Variants in SNX18 observed in about 807,000 individuals in gnomAD.
SNX18 encodes sorting nexin-18.
Under a neutral mutation model 48.7 loss-of-function variants are expected in SNX18, and 35 were observed. That is an observed-to-expected ratio of 0.72 (90% CI 0.55 to 0.95). The LOEUF (loss-of-function observed/expected upper bound fraction) is 0.95. SNX18 is among the 40% of genes least tolerant of loss of function. The pLI is 0.00. For synonymous variants in SNX18, 492 were observed against 384.7 expected, an observed-to-expected ratio of 1.28 and a Z score of -3.26; for missense variants, 824 against 871.0, an observed-to-expected ratio of 0.95 and a Z score of 0.68.
chr5:54,539,367 G>T (rs1420324011), intron 1 of SNX18, among the ~76,000 whole-genome samples: 2 of 152,222 alleles, frequency 1.3e-5, no homozygotes, highest in Non-Finnish European at 2.9e-5. Context: ...TTGTAGTGAA[G>T]ATTAGAAACA....
chr5:54,521,207 G>A (rs1580092991), intron 1 of SNX18, among the ~76,000 whole-genome samples: 1 of 152,244 alleles, frequency 6.6e-6, no homozygotes, highest in East Asian at 1.9e-4. Flanking sequence ...TGAAAGGATG[G>A]AACCAAGTAC....
At chr5:54,626,249 T>C in the SNX18 span, among the ~76,000 whole-genome samples, 4 of 152,350 alleles carry the variant, frequency 2.6e-5, no homozygotes, top group East Asian at 3.9e-4. Flanking sequence ...GGAGTGATGA[T>C]AGAAAAATGA....
intron 1 of SNX18, among the ~76,000 whole-genome samples, chr5:54,540,681 T>C (rs558592862): frequency 6.6e-6 from 1 of 152,350 alleles, no homozygotes; most frequent in South Asian, 2.1e-4. Flanking sequence ...TTCTCTATAC[T>C]GGACTCTGTT....
the SNX18 span, among the ~76,000 whole-genome samples, chr5:54,637,064 G>C: frequency 6.6e-6 from 1 of 152,146 alleles, no homozygotes; most frequent in Non-Finnish European, 1.5e-5. Flanking sequence ...TTTGCACATT[G>C]ACAAATGCAA....
the SNX18 span, among the ~76,000 whole-genome samples, chr5:54,595,033 T>C: frequency 6.6e-6 from 1 of 152,248 alleles, no homozygotes; most frequent in South Asian, 2.1e-4. Flanking sequence ...TAGTATTCTG[T>C]GGTGTATATA....
At chr5:54,634,351 GA>G in the SNX18 span, among the ~76,000 whole-genome samples, 1 of 152,220 alleles carries the variant, frequency 6.6e-6, no homozygotes, top group East Asian at 1.9e-4. Context: ...ATACATTCAG[GA>G]AAGAGGGGCA....
chr5:54,552,153 G>A, the SNX18 span, among the ~76,000 whole-genome samples: 6 of 152,182 alleles, frequency 3.9e-5, no homozygotes, highest in South Asian at 2.1e-4. Context: ...CCTCCGCGAC[G>A]TGACCCATTA....
the SNX18 span, chr5:54,645,184 A>T: frequency 0.67 from 102,055 of 152,164 alleles, 34,341 homozygotes; most frequent in East Asian, 0.72. Flanking sequence ...ATATAACCAT[A>T]GGATAAAACA....
At chr5:54,521,774 C>T (rs899659628) in intron 1 of SNX18, among the ~76,000 whole-genome samples, 8 of 152,092 alleles carry the variant, frequency 5.3e-5, no homozygotes, top group African/African-American at 1.9e-4. Context: ...TGCTATGTTG[C>T]CCAGGCTTGT....
the SNX18 span, among the ~76,000 whole-genome samples, chr5:54,558,228 T>C: frequency 6.6e-6 from 1 of 152,336 alleles, no homozygotes; most frequent in African/African-American, 2.4e-5. Context: ...AAATATTTTT[T>C]AAAGTAGAAA....
In SNX18 at chr5:54,519,126, C is replaced by A. The variant is rs1761952936; in HGVS notation, c.1174C>A (p.Gln392Lys). Residue 392 changes from glutamine (Q) to lysine (K), a missense_variant, in exon 1 of 2, where the codon CAG becomes AAG. Around this residue, in one of 3 missense-constraint regions of SNX18, gnomAD observed 443 missense variants for 503.6 expected, o/e 0.88. Transcript: ENST00000381410. ...CAGCACCGACGAGAAAGCCTGGAAG[C>A]AGGGCAAGAGGAAGGCCGAGAAGGA... ...PSSTDEKAWKQGKRKAEKDEM... is the reference protein window; with the variant it reads ...PSSTDEKAWKKGKRKAEKDEM... 6.2e-7 allele frequency: 1 copy of A among 1,613,998 alleles called. No homozygotes were observed. The highest frequency in any genetic ancestry group is 1.1e-5 in the South Asian group (1 of 91,082).
the SNX18 span, among the ~76,000 whole-genome samples, chr5:54,630,860 T>C: frequency 1.4e-5 from 2 of 147,396 alleles, no homozygotes; most frequent in Admixed American, 1.3e-4. Context: ...AGAGACCTCA[T>C]GGAAAGACAT....
the SNX18 span, among the ~76,000 whole-genome samples, chr5:54,640,436 C>G: frequency 2.0e-5 from 3 of 151,906 alleles, no homozygotes; most frequent in East Asian, 3.9e-4. Flanking sequence ...GTTGCCCAGG[C>G]TAGCCTTAAA....
chr5:54,532,806 A>G (rs1000374293), intron 1 of SNX18, among the ~76,000 whole-genome samples: 2 of 152,210 alleles, frequency 1.3e-5, no homozygotes, highest in Admixed American at 6.5e-5. Flanking sequence ...AAACCACAAG[A>G]GGTACAATCA....
At chr5:54,596,359 T>C in the SNX18 span, among the ~76,000 whole-genome samples, 1 of 152,172 alleles carries the variant, frequency 6.6e-6, no homozygotes, top group Non-Finnish European at 1.5e-5. Context: ...TTGGGAATAA[T>C]GAGAGCATCC....
downstream of SNX18, among the ~76,000 whole-genome samples, chr5:54,547,364 G>T (rs1281299809): frequency 6.6e-6 from 1 of 152,152 alleles, no homozygotes; most frequent in African/African-American, 2.4e-5. Flanking sequence ...TTTTGACCAA[G>T]ATCACACAAA....
the SNX18 span, among the ~76,000 whole-genome samples, chr5:54,590,485 G>C: frequency 0.12 from 17,512 of 152,108 alleles, 1,331 homozygotes; most frequent in East Asian, 0.21. Context: ...GTCTCCCTAA[G>C]CCAGATCCAT....
the SNX18 span, among the ~76,000 whole-genome samples, chr5:54,606,720 A>G: frequency 5.9e-5 from 9 of 152,304 alleles, no homozygotes; most frequent in Admixed American, 3.3e-4. Flanking sequence ...GTTTCTCCCA[A>G]TGTAACATTT....
chr5:54,638,333 A>C, the SNX18 span, among the ~76,000 whole-genome samples: 1 of 152,222 alleles, frequency 6.6e-6, no homozygotes, highest in Non-Finnish European at 1.5e-5. Flanking sequence ...AGGGACTTGG[A>C]GACAGATATC....
Sources: gnomAD v4.1 joint callset for allele counts (sites outside exome capture counted in the v4.1 genomes callset) on GRCh38, gnomAD v4.1.1 for gene constraint, gnomAD v4.1.1 regional missense constraint, MANE v1.5 for transcripts, NCBI Gene and HGNC (gene_info 2026-07-23, HGNC 2026-07-21) for gene names.